GABRB2: variants seen among roughly 807,000 people sequenced by gnomAD.
The protein encoded by GABRB2 is gamma-aminobutyric acid receptor subunit beta-2.
A neutral mutation model predicts 54.7 loss-of-function variants in GABRB2; 16 were observed. That is an observed-to-expected ratio of 0.29 (90% confidence interval 0.20 to 0.44). GABRB2 has a LOEUF of 0.44. GABRB2 is among the 20% of genes least tolerant of loss of function. The probability of loss-of-function intolerance (pLI) is 1.00; values close to 1 mark genes in which losing one functional copy is unlikely to be tolerated. For synonymous variants in GABRB2, 244 were observed against 233.8 expected, an observed-to-expected ratio of 1.04 and a Z score of -0.40; for missense variants, 355 against 644.0, an observed-to-expected ratio of 0.55 and a Z score of 4.86.
chr5:161,506,034 G>A (rs2113390728), intron 3 of GABRB2, among the ~76,000 whole-genome samples: 1 of 151,998 alleles, frequency 6.6e-6, no homozygotes, highest in African/African-American at 2.4e-5. Flanking sequence ...ATGATTTTGT[G>A]TGTATATATA....
At chr5:161,335,270 A>G (rs942957925) in intron 6 of GABRB2, among the ~76,000 whole-genome samples, 8 of 152,112 alleles carry the variant, frequency 5.3e-5, no homozygotes, top group African/African-American at 1.9e-4. Context: ...TGTGAGAGTG[A>G]GGCTGCATGT....
chr5:161,492,564 T>TTGTGTG (rs111553488), intron 3 of GABRB2, among the ~76,000 whole-genome samples: 3,755 of 149,344 alleles, frequency 0.025, 64 homozygotes, highest in East Asian at 0.061. Flanking sequence ...TTGTTGTAAT[T>TTGTGTG]TGTGTGTGTG....
At chr5:161,323,621 C>T (rs1341101012) in intron 9 of GABRB2, among the ~76,000 whole-genome samples, 1 of 152,132 alleles carries the variant, frequency 6.6e-6, no homozygotes, top group Non-Finnish European at 1.5e-5. Context: ...TTTCTATTGA[C>T]ATTTTATTAT....
At chr5:161,499,795 G>A (rs1412879352) in intron 3 of GABRB2, among the ~76,000 whole-genome samples, 2 of 152,090 alleles carry the variant, frequency 1.3e-5, no homozygotes, top group African/African-American at 4.8e-5. Flanking sequence ...TGGTGGCAGG[G>A]GGCAGTGCAA....
At chr5:161,300,689 C>A (rs1757510792) in intron 9 of GABRB2, among the ~76,000 whole-genome samples, 1 of 152,126 alleles carries the variant, frequency 6.6e-6, no homozygotes, top group South Asian at 2.1e-4. Context: ...GGTCTCCACT[C>A]CCAGGACTCC....
At chr5:161,437,099 A>T (rs1757333563) in intron 4 of GABRB2, among the ~76,000 whole-genome samples, 1 of 152,118 alleles carries the variant, frequency 6.6e-6, no homozygotes. Context: ...CCTAGGGCGG[A>T]TTTAGGCCCA....
chr5:161,481,026 A>G lies in GABRB2; in HGVS notation c.238-21182T>C, dbSNP rs1445442353. Among the ~76,000 whole-genome samples the G allele has an allele frequency of 2.6e-5, 4 of 152,086 alleles. No homozygotes were observed. The East Asian group carries it at 5.8e-4, about 22-fold the overall frequency. The stretch of plus-strand genomic sequence containing the variant: ...CAGACGAAAAACTCATATGAACACT[A>G]TATAAATATTAATGACATAAATCTA... On this transcript the variant is annotated intron_variant, in intron 3 of 9. Coordinates refer to ENST00000393959, the MANE Select transcript of GABRB2 (RefSeq NM_001371727.1).
chr5:161,508,348 G>A (rs1387338432), intron 3 of GABRB2, among the ~76,000 whole-genome samples: 1 of 148,872 alleles, frequency 6.7e-6, no homozygotes, highest in Non-Finnish European at 1.5e-5. Context: ...GCTAGATGGA[G>A]AGGCAAGTGA....
intron 5 of GABRB2, 146 bp from the exon 6 acceptor site, chr5:161,336,915 T>A: frequency 1.2e-6 from 1 of 857,336 alleles, no homozygotes; most frequent in Non-Finnish European, 1.7e-6. Context: ...GTGTTTGGTA[T>A]CATACTAAAC....
At chr5:161,443,919 A>G (rs1757537131) in intron 4 of GABRB2, among the ~76,000 whole-genome samples, 1 of 152,290 alleles carries the variant, frequency 6.6e-6, no homozygotes, top group East Asian at 1.9e-4. Context: ...ATTTATTCAC[A>G]CACTAAATTA....
At chr5:161,350,074 G>A (rs543929040) in intron 5 of GABRB2, among the ~76,000 whole-genome samples, 1 of 152,036 alleles carries the variant, frequency 6.6e-6, no homozygotes, top group Non-Finnish European at 1.5e-5. Context: ...AACAATAATG[G>A]CTGTCAATGA....
chr5:161,355,613 G>GA (rs921469364), intron 5 of GABRB2, among the ~76,000 whole-genome samples: 16 of 151,804 alleles, frequency 1.1e-4, no homozygotes, highest in African/African-American at 3.9e-4. Flanking sequence ...TTACACAACA[G>GA]AAAAAATTGG....
chr5:161,333,992 CTTAGTACAA>C (rs1342332429), intron 7 of GABRB2, among the ~76,000 whole-genome samples: 3 of 152,124 alleles, frequency 2.0e-5, no homozygotes, highest in Non-Finnish European at 4.4e-5. Flanking sequence ...ATCTCCAGTG[CTTAGTACAA>C]TTAGCATATA....
intron 8 of GABRB2, chr5:161,330,160 A>G (rs1172704806): frequency 6.6e-6 from 1 of 152,128 alleles, no homozygotes; most frequent in African/African-American, 2.4e-5. Context: ...AAAACTACTG[A>G]CTTAACAAAT....
chr5:161,369,433 CTTTTA>C (rs1755067439), intron 5 of GABRB2, among the ~76,000 whole-genome samples: 1 of 151,850 alleles, frequency 6.6e-6, no homozygotes, highest in Non-Finnish European at 1.5e-5. Flanking sequence ...AGCCTCTTTT[CTTTTA>C]TAAAGACGAA....
intron 3 of GABRB2, among the ~76,000 whole-genome samples, chr5:161,528,835 T>A (rs573128365): frequency 2.0e-5 from 3 of 151,856 alleles, no homozygotes; most frequent in Non-Finnish European, 4.4e-5. Flanking sequence ...AACAGATTAT[T>A]CCCGATCTTA....
intron 5 of GABRB2, among the ~76,000 whole-genome samples, chr5:161,342,583 T>A (rs998062768): frequency 7.2e-5 from 11 of 152,094 alleles, no homozygotes; most frequent in African/African-American, 2.7e-4. Context: ...ATATTCCAAA[T>A]TTATTTAACC....
intron 5 of GABRB2, among the ~76,000 whole-genome samples, chr5:161,395,803 GA>G (rs1755978677): frequency 6.6e-6 from 1 of 152,052 alleles, no homozygotes; most frequent in African/African-American, 2.4e-5. Context: ...CTTAGAGAAT[GA>G]TTGGGCTGAA....
chr5:161,397,489 A>G (rs1756039986), intron 5 of GABRB2, among the ~76,000 whole-genome samples: 1 of 152,216 alleles, frequency 6.6e-6, no homozygotes, highest in Admixed American at 6.5e-5. Flanking sequence ...AAAAAGTGGC[A>G]TGTGAAATCA....
Sources: gnomAD v4.1 joint callset for allele counts (sites outside exome capture counted in the v4.1 genomes callset) on GRCh38, gnomAD v4.1.1 for gene constraint, MANE v1.5 for transcripts, NCBI Gene and HGNC (gene_info 2026-07-23, HGNC 2026-07-21) for gene names.